The following TMEM161B variants were observed in gnomAD, a reference collection of about 807,000 sequenced individuals.
TMEM161B encodes transmembrane protein 161B.
A neutral mutation model predicts 61.8 loss-of-function variants in TMEM161B; 34 were observed. The ratio of observed to expected loss-of-function variants is 0.55; its 90% CI spans 0.42 to 0.73. TMEM161B has a LOEUF of 0.73. Among genes scored for constraint, TMEM161B ranks in the 30% least tolerant of loss-of-function variants. The pLI, the probability that TMEM161B is intolerant of heterozygous loss-of-function variation, is 0.00. For synonymous variants in TMEM161B, 167 were observed against 192.8 expected (o/e 0.87, Z 1.11); for missense variants, 456 against 558.5 (o/e 0.82, Z 1.85).
At chr5:88,188,341 C>T (rs1205165311), downstream of TMEM161B, among the ~76,000 whole-genome samples, 1 of 151,400 alleles carries the variant, frequency 6.6e-6, no homozygotes, top group African/African-American at 2.4e-5. Flanking sequence ...ATTTCAAACT[C>T]CTGACCTCAG....
At chr5:88,257,005 G>A (rs1755067494) in intron 1 of TMEM161B, among the ~76,000 whole-genome samples, 1 of 152,194 alleles carries the variant, frequency 6.6e-6, no homozygotes, top group Non-Finnish European at 1.5e-5. Context: ...ACCAGGTGCA[G>A]TGGCTAAAGC....
chr5:88,238,691 T>C (rs1004967098), intron 2 of TMEM161B, among the ~76,000 whole-genome samples: 2 of 152,056 alleles, frequency 1.3e-5, no homozygotes, highest in Admixed American at 6.6e-5. Flanking sequence ...TATTTTTACA[T>C]AGGCAATTTA....
chr5:88,260,233 T>C (rs1029508095), intron 1 of TMEM161B, among the ~76,000 whole-genome samples: 2 of 152,338 alleles, frequency 1.3e-5, no homozygotes, highest in Admixed American at 1.3e-4. Context: ...ATCCAAACCT[T>C]TCTTTATGAA....
At chr5:88,220,484 A>G in intron 5 of TMEM161B, 79 bp downstream of exon 5, 18 of 1,183,242 alleles carry the variant, frequency 1.5e-5, no homozygotes, top group Non-Finnish European at 1.9e-5. Flanking sequence ...AATGACATAA[A>G]ATCTTTCTCA....
intron 2 of TMEM161B, among the ~76,000 whole-genome samples, chr5:88,236,749 A>G (rs183063271): frequency 6.6e-6 from 1 of 152,324 alleles, no homozygotes; most frequent in East Asian, 1.9e-4. Context: ...ATTTAATTTA[A>G]AATAAAAGCT....
At chr5:88,190,838 C>T (rs1205763101), downstream of TMEM161B, among the ~76,000 whole-genome samples, 1 of 151,902 alleles carries the variant, frequency 6.6e-6, no homozygotes, top group Non-Finnish European at 1.5e-5. Context: ...ATTCCATTTC[C>T]TTCTTTTATT....
At chr5:88,211,413 T>C (rs1347617953) in intron 5 of TMEM161B, among the ~76,000 whole-genome samples, 12 of 98,782 alleles carry the variant, frequency 1.2e-4, no homozygotes, top group Admixed American at 1.1e-3. Context: ...ACAGGAAAAA[T>C]AAGAAAAAAA....
chr5:88,190,854 G>C (rs1308671846), downstream of TMEM161B, among the ~76,000 whole-genome samples: 1 of 151,708 alleles, frequency 6.6e-6, no homozygotes, highest in Non-Finnish European at 1.5e-5. Flanking sequence ...TTATTTACTT[G>C]TTATAGATTC....
downstream of TMEM161B, among the ~76,000 whole-genome samples, chr5:88,188,128 T>C (rs1233347872): frequency 6.6e-6 from 1 of 151,912 alleles, no homozygotes; most frequent in South Asian, 2.1e-4. Flanking sequence ...TTTGGAGACA[T>C]GGTTTCACTC....
chr5:88,231,771 C>CTTTATAA lies in TMEM161B; in HGVS notation c.108-3244_108-3243insTTATAAA, dbSNP rs1215265156. 4.5e-4 allele frequency among the ~76,000 whole-genome samples: 68 copies of CTTTATAA among 152,158 alleles called. 1 individual carries two copies. The highest frequency in any genetic ancestry group is 1.5e-4 in the Non-Finnish European group (10 of 68,022). ...TTAGGTTTTATAAAGTTGCCACAAA[C>CTTTATAA]ACTGAACCATTGCTCCTAGGGGAAA... On this transcript the variant is annotated intron_variant, in intron 2 of 11. Coordinates refer to ENST00000296595, the MANE Select transcript of TMEM161B (RefSeq NM_153354.5).
At chr5:88,257,939 G>A (rs1755185461) in intron 1 of TMEM161B, among the ~76,000 whole-genome samples, 1 of 152,096 alleles carries the variant, frequency 6.6e-6, no homozygotes, top group South Asian at 2.1e-4. Flanking sequence ...CAGATACGTG[G>A]CCAATTCTCT....
intron 1 of TMEM161B, among the ~76,000 whole-genome samples, chr5:88,253,837 T>C (rs146444979): frequency 5.3e-5 from 8 of 152,194 alleles, no homozygotes; most frequent in African/African-American, 1.7e-4. Flanking sequence ...TTAAAACTTT[T>C]AGAGAAAAAA....
rs185885330 is a variant in TMEM161B at position 88,206,588 on chromosome 5, C to T, written c.599-89G>A. ...TCCATGGAAATAAAATGTTAGAAAACAGAGCATCTTAAATTTTGAAGTGAC... is the reference window on the plus strand; with the variant it reads ...TCCATGGAAATAAAATGTTAGAAAATAGAGCATCTTAAATTTTGAAGTGAC... On this transcript the variant is annotated intron_variant, in intron 6 of 11. Transcript: ENST00000296595. 33 of 1,265,898 alleles carry T rather than the reference C, an allele frequency of 2.6e-5. No homozygotes were observed. The East Asian group carries it at 3.5e-4, about 14-fold the overall frequency. 78.4% of individuals were successfully genotyped at this position (1,265,898 alleles called of 1,614,324 possible).
At chr5:88,262,165 A>G (rs1755772597) in intron 1 of TMEM161B, among the ~76,000 whole-genome samples, 1 of 152,172 alleles carries the variant, frequency 6.6e-6, no homozygotes, top group South Asian at 2.1e-4. Flanking sequence ...GAATATGAAA[A>G]GATGTTCCAC....
intron 1 of TMEM161B, among the ~76,000 whole-genome samples, chr5:88,266,143 A>G (rs1756347940): frequency 6.6e-6 from 1 of 152,236 alleles, no homozygotes; most frequent in African/African-American, 2.4e-5. Flanking sequence ...TTCATAATAC[A>G]AAAACCTTGT....
intron 5 of TMEM161B, among the ~76,000 whole-genome samples, chr5:88,208,650 C>CA (rs531247494): frequency 8.1e-4 from 123 of 151,552 alleles, no homozygotes; most frequent in African/African-American, 2.7e-3. Context: ...CTCAGGAAAA[C>CA]AAAAAACAAA....
chr5:88,267,416 C>CT (rs1756536502), intron 1 of TMEM161B, among the ~76,000 whole-genome samples: 5 of 151,978 alleles, frequency 3.3e-5, no homozygotes, highest in Admixed American at 3.3e-4. Context: ...TTTTGAAGGT[C>CT]TTTGTTCTAC....
intron 1 of TMEM161B, among the ~76,000 whole-genome samples, chr5:88,253,764 C>A (rs1048065186): frequency 2.6e-5 from 4 of 152,044 alleles, no homozygotes; most frequent in Admixed American, 2.0e-4. Flanking sequence ...CTGAAATAGT[C>A]CAAGCAATAC....
At chr5:88,207,994 C>T (rs1279209219) in intron 5 of TMEM161B, among the ~76,000 whole-genome samples, 1 of 152,138 alleles carries the variant, frequency 6.6e-6, no homozygotes, top group Admixed American at 6.5e-5. Context: ...TCACACTAAC[C>T]ACATTATTAT....
Sources: allele counts gnomAD v4.1 joint callset (sites outside exome capture counted in the v4.1 genomes callset), GRCh38; gene constraint gnomAD v4.1.1; transcripts MANE v1.5; gene names NCBI Gene and HGNC (gene_info 2026-07-23, HGNC 2026-07-21).